Variants in SYT12 observed in about 807,000 individuals in gnomAD.
SYT12 encodes synaptotagmin-12.
SYT12 carries 27 observed loss-of-function variants against 39.5 expected under a neutral mutation model. That is an observed-to-expected ratio of 0.68 (90% CI 0.50 to 0.94). The LOEUF is 0.94. Among genes scored for constraint, SYT12 ranks in the 40% least tolerant of loss-of-function variants. The pLI, the probability that SYT12 is intolerant of heterozygous loss-of-function variation, is 0.00. For synonymous variants in SYT12, 233 were observed against 239.7 expected (o/e 0.97, Z 0.26); for missense variants, 536 against 572.6 (o/e 0.94, Z 0.65).
chr11:67,029,915 T>A, intron 1 of SYT12: 2 of 508,586 alleles, frequency 3.9e-6, no homozygotes, highest in Non-Finnish European at 6.9e-6. Flanking sequence ...CTGTGTTTTA[T>A]CTGGCAATCC....
At chr11:67,021,924 G>C (rs1374972543), upstream of SYT12, 1 of 151,230 alleles carries the variant, frequency 6.6e-6, no homozygotes, top group African/African-American at 2.4e-5. Flanking sequence ...GTAAGATGCA[G>C]CTCTCTTTCT....
chr11:67,040,328 C>A, intron 4 of SYT12, 125 bp downstream of exon 4: 1 of 1,320,762 alleles, frequency 7.6e-7, no homozygotes, highest in Non-Finnish European at 1.0e-6. Flanking sequence ...GGATGCTGAT[C>A]CCAGAGCTGA....
chr11:67,045,865 C>T lies in SYT12; in HGVS notation c.1080C>T (p.Ala360=), dbSNP rs1302455600. 1 of 1,613,416 alleles carries T rather than the reference C, an allele frequency of 6.2e-7. No homozygotes were observed. Among genetic ancestry groups the T allele is most frequent in the African/African-American group, 1.3e-5 (1 of 74,920 alleles). ...FNEAMIFSVP[A]IVLQDLSLRV... is the part of the protein sequence containing the mutation. ...AAGCCATGATCTTCTCGGTGCCAGC[C>T]ATTGTGCTCCAGGTGAGGGGGGCTG... Residue 360 remains alanine, a synonymous_variant, in exon 7 of 8, where the codon GCC becomes GCT. Transcript: ENST00000527043.
rs761075748 is a variant in SYT12, at chr11:67,044,727, G to T, written c.958+14G>T. On this transcript the variant is annotated intron_variant, in intron 6 of 7. Coordinates refer to ENST00000527043, the MANE Select transcript of SYT12 (RefSeq NM_177963.4). ...AGACCACAGCGGGTAAGGCCCAGCC[G>T]GCAGCCCGGCTCCTCCACGTAGCTC... 7 of 1,613,132 alleles carry T rather than the reference G, an allele frequency of 4.3e-6. No homozygotes were observed. The highest frequency in any genetic ancestry group is 4.2e-6 in the Non-Finnish European group (5 of 1,179,696).
chr11:67,030,800 TG>T (rs1348469961), intron 2 of SYT12: 4 of 152,340 alleles, frequency 2.6e-5, no homozygotes, highest in Admixed American at 2.6e-4. Flanking sequence ...GACATACTCC[TG>T]CAGCCCTCCC....
At chr11:67,024,613 A>G (rs1591357139) in intron 1 of SYT12, among the ~76,000 whole-genome samples, 1 of 152,318 alleles carries the variant, frequency 6.6e-6, no homozygotes, top group South Asian at 2.1e-4. Flanking sequence ...CGGTGCTGAG[A>G]TAACACAGGG....
Position 67,034,827 on chromosome 11 carries a change from G to A in SYT12, c.217G>A (p.Ala73Thr). ...QQKYGESCAE[A>T]REKRVPAWNA... The stretch of plus-strand genomic sequence containing the variant: ...GAAGTACGGCGAGAGCTGCGCAGAG[G>A]CCAGGGAGAAGGTGAGGCTTCTGCT... The change falls in exon 3 of 8, where the codon GCC (alanine) becomes ACC (threonine). Residue 73 changes from alanine to threonine, a missense_variant. Physicochemically the swap from Ala to Thr is moderately conservative, Grantham distance 58. Transcript: ENST00000527043. The A allele has an allele frequency of 6.4e-7, 1 of 1,552,102 alleles. No homozygotes were observed. Among genetic ancestry groups the A allele is most frequent in the Non-Finnish European group, 8.7e-7 (1 of 1,154,122 alleles).
chr11:67,036,207 G>A (rs915435160), intron 3 of SYT12, among the ~76,000 whole-genome samples: 3 of 152,180 alleles, frequency 2.0e-5, no homozygotes, highest in Non-Finnish European at 4.4e-5. Context: ...ATGCACTACC[G>A]TGCCAGGTCC....
At position 67,034,753 on chromosome 11, in the gene SYT12, TCCCCAGC is replaced by T. The variant is rs1425066524; in HGVS notation, c.147_153del (p.Ser50LeufsTer64). ...TGGAAGCTCTGGACGTCGGGGAGCT[TCCCCAGC>T]CCCTCTCCGTTCCCCAATTACGACT... On this transcript the variant is annotated frameshift_variant, in exon 3 of 8. Transcript: ENST00000527043. LOFTEE classifies it high-confidence loss of function. 1.1e-5 allele frequency: 18 copies of T among 1,603,060 alleles called. No individual in the cohort carries two copies. Among genetic ancestry groups the T allele is most frequent in the Non-Finnish European group, 1.5e-5 (18 of 1,176,072 alleles).
chr11:67,020,046 C>T (rs1468449308), upstream of SYT12, among the ~76,000 whole-genome samples: 1 of 152,178 alleles, frequency 6.6e-6, no homozygotes, highest in African/African-American at 2.4e-5. Flanking sequence ...TCAGATGGAG[C>T]ATCCTTCAGG....
At chr11:67,028,290 C>T (rs905797926) in intron 1 of SYT12, 2 of 152,184 alleles carry the variant, frequency 1.3e-5, no homozygotes, top group African/African-American at 4.8e-5. Context: ...AGCCCAGGCC[C>T]AGGAATGAGC....
intron 2 of SYT12, 28 bp from the exon 3 acceptor site, chr11:67,034,617 C>T (rs751555048): frequency 2.6e-6 from 4 of 1,567,124 alleles, no homozygotes; most frequent in Admixed American, 2.1e-5. Context: ...CTAGGAAGCC[C>T]TAATGAGAGG....
chr11:67,020,317 C>G (rs1265537459), upstream of SYT12, among the ~76,000 whole-genome samples: 2 of 152,204 alleles, frequency 1.3e-5, no homozygotes, highest in Admixed American at 1.3e-4. Flanking sequence ...GAGGCAGGAG[C>G]TCAGCAGGTG....
intron 7 of SYT12, 92 bp downstream of exon 7, chr11:67,045,969 A>G: frequency 1.3e-6 from 2 of 1,538,934 alleles, no homozygotes; most frequent in Non-Finnish European, 1.8e-6. Flanking sequence ...GGGCCCCTGC[A>G]GGGGTAGTGG....
At chr11:67,045,502 A>T (rs764430301) in intron 6 of SYT12, 3 of 544,960 alleles carry the variant, frequency 5.5e-6, no homozygotes, top group Non-Finnish European at 9.8e-6. Context: ...CTAGGAGGGG[A>T]GCGCGTGGGC....
chr11:67,007,328 C>T (rs1949977366), exon 1 of SYT12: 1 of 152,260 alleles, frequency 6.6e-6, no homozygotes, highest in African/African-American at 2.4e-5. Context: ...GGGCGAAGGG[C>T]CTTCCCAGGG....
rs1161714957 is a variant in SYT12, at chr11:67,039,949, GC to G, written c.372del (p.Tyr125MetfsTer13). The G allele has an allele frequency of 1.2e-6, 2 of 1,613,610 alleles. No homozygotes were observed. The highest frequency in any genetic ancestry group is 1.7e-6 in the Non-Finnish European group (2 of 1,180,042). On this transcript the variant is annotated frameshift_variant, in exon 4 of 8. Coordinates refer to ENST00000527043, the MANE Select transcript of SYT12 (RefSeq NM_177963.4). LOFTEE classifies it high-confidence loss of function. Reference protein sequence around the residue: ...LELMGRELDLAPYGTLRKSQS... With the variant: ...LELMGRELDLXPYGTLRKSQS... ...GCTGATGGGCCGGGAGTTGGACCTG[GC>G]CCCCTATGGGACCCTCCGGAAGTCC...
intron 2 of SYT12, 147 bp from the exon 3 acceptor site, chr11:67,034,498 A>G: frequency 1.5e-6 from 1 of 648,618 alleles, no homozygotes; most frequent in Non-Finnish European, 2.4e-6. Flanking sequence ...AGGAAAGTGT[A>G]TGTCTTGTTC....
intron 7 of SYT12, among the ~76,000 whole-genome samples, chr11:67,047,561 C>T (rs1243873519): frequency 6.6e-6 from 1 of 151,184 alleles, no homozygotes; most frequent in African/African-American, 2.4e-5. Flanking sequence ...AGCCACCATG[C>T]CCAGCCAGAA....
Sources: gnomAD v4.1 joint callset for allele counts (sites outside exome capture counted in the v4.1 genomes callset) on GRCh38, gnomAD v4.1.1 for gene constraint, MANE v1.5 for transcripts, NCBI Gene and HGNC (gene_info 2026-07-23, HGNC 2026-07-21) for gene names.